The following MRE11 variants were observed in gnomAD, a reference collection of about 807,000 sequenced individuals.
MRE11 encodes MRE11 double strand break repair nuclease.
A neutral mutation model predicts 91.7 loss-of-function variants in MRE11; 62 were observed. That is an observed-to-expected ratio of 0.68 (90% CI 0.55 to 0.84). The LOEUF is 0.84. MRE11 is among the 40% of genes least tolerant of loss of function. The pLI, the probability that MRE11 is intolerant of heterozygous loss-of-function variation, is 0.00. For synonymous variants in MRE11, 273 were observed against 271.4 expected (o/e 1.01, Z -0.06); for missense variants, 796 against 852.9 (o/e 0.93, Z 0.83).
chr11:94,489,531 T>G (rs974904172), intron 3 of MRE11, among the ~76,000 whole-genome samples: 2 of 152,146 alleles, frequency 1.3e-5, no homozygotes, highest in East Asian at 3.8e-4. Flanking sequence ...CAGAAAAGAA[T>G]AGAAGCAGAA....
At chr11:94,487,293 TA>T (rs1387478904) in intron 3 of MRE11, among the ~76,000 whole-genome samples, 2 of 152,326 alleles carry the variant, frequency 1.3e-5, no homozygotes, top group East Asian at 1.9e-4. Context: ...TTCAAACATT[TA>T]AAAAAATTTT....
intron 4 of MRE11, 127 bp from the exon 5 acceptor site, chr11:94,479,888 T>C (rs1362367868): frequency 1.5e-6 from 1 of 686,444 alleles, no homozygotes; most frequent in Non-Finnish European, 2.5e-6. Context: ...TGACCACTAG[T>C]TTAGAGCTTT....
intron 10 of MRE11, chr11:94,466,432 G>T (rs766570618): frequency 2.7e-5 from 14 of 514,804 alleles, no homozygotes; most frequent in Non-Finnish European, 4.8e-5. Flanking sequence ...TAAAGAAACG[G>T]GAACAGATTA....
upstream of MRE11, chr11:94,498,168 G>C: frequency 6.2e-7 from 1 of 1,614,150 alleles, no homozygotes; most frequent in Non-Finnish European, 8.5e-7. Context: ...GCCTACAGTG[G>C]ACACTTAGAT....
chr11:94,498,588 G>A (rs1947451340), upstream of MRE11: 2 of 1,408,510 alleles, frequency 1.4e-6, no homozygotes, highest in South Asian at 1.3e-5. Flanking sequence ...TGTGTGAGAT[G>A]TATTCCCATA....
intron 4 of MRE11, among the ~76,000 whole-genome samples, chr11:94,484,031 G>C (rs1163461399): frequency 6.6e-6 from 1 of 152,050 alleles, no homozygotes; most frequent in Non-Finnish European, 1.5e-5. Context: ...AAAGGAACCA[G>C]GGTTCCTTGA....
chr11:94,473,845 T>C (rs1363393389), intron 7 of MRE11, among the ~76,000 whole-genome samples: 1 of 152,086 alleles, frequency 6.6e-6, no homozygotes, highest in African/African-American at 2.4e-5. Context: ...ATTGGAAATA[T>C]AATTAAACCA....
At chr11:94,477,149 A>T (rs1397994229) in intron 6 of MRE11, among the ~76,000 whole-genome samples, 1 of 152,256 alleles carries the variant, frequency 6.6e-6, no homozygotes, top group African/African-American at 2.4e-5. Flanking sequence ...TTCTTATTAA[A>T]ACTTCTAGTA....
rs745641735 is a variant in MRE11 at position 94,476,389 on chromosome 11, C to T, written c.559G>A (p.Glu187Lys). 1 of 1,607,198 alleles carries T rather than the reference C, an allele frequency of 6.2e-7. No individual in the cohort carries two copies. The highest frequency in any genetic ancestry group is 8.5e-7 in the Non-Finnish European group (1 of 1,174,122). ...TTGACAAACATTCGATAGAGCCTTT[C>T]ATCTGGAATGGATCCTGAAATGGAC... is the stretch of plus-strand genomic sequence containing the variant. The part of the protein sequence containing the change: ...ALYGLGSIPD[E>K]RLYRMFVNKK... Residue 187 changes from glutamate to lysine, a missense_variant, in exon 7 of 20, where the codon GAA becomes AAA. By Grantham distance (56) the Glu-to-Lys change is moderately conservative. Transcript: ENST00000323929.
At chr11:94,481,169 C>A (rs1947003288) in intron 4 of MRE11, among the ~76,000 whole-genome samples, 1 of 151,988 alleles carries the variant, frequency 6.6e-6, no homozygotes, top group Non-Finnish European at 1.5e-5. Context: ...ATTAGCCGTG[C>A]ATGGTGGCAC....
upstream of MRE11, chr11:94,497,981 CTTAA>C: frequency 1.0e-6 from 1 of 984,568 alleles, no homozygotes; most frequent in Non-Finnish European, 1.5e-6. Context: ...TTTTATTCAA[CTTAA>C]TTAAATCTAA....
chr11:94,508,012 C>A, the MRE11 span, among the ~76,000 whole-genome samples: 1 of 152,046 alleles, frequency 6.6e-6, no homozygotes, highest in Non-Finnish European at 1.5e-5. Flanking sequence ...TGCTGTTGCC[C>A]AGGCTGGAGT....
At chr11:94,429,645 C>G (rs942326073) in intron 19 of MRE11, among the ~76,000 whole-genome samples, 2 of 152,162 alleles carry the variant, frequency 1.3e-5, no homozygotes, top group African/African-American at 4.8e-5. Context: ...ATGGGAACAA[C>G]AGACACTGTG....
At chr11:94,476,061 G>C (rs1946846252) in intron 7 of MRE11, among the ~76,000 whole-genome samples, 1 of 152,124 alleles carries the variant, frequency 6.6e-6, no homozygotes. Context: ...TTGAATTGAG[G>C]AGTATTCATG....
At chr11:94,430,626 TA>T (rs1402073606) in intron 18 of MRE11, among the ~76,000 whole-genome samples, 2 of 151,866 alleles carry the variant, frequency 1.3e-5, no homozygotes, top group African/African-American at 4.8e-5. Context: ...CATGCCCAGC[TA>T]ATTTTTGTAT....
chr11:94,479,720 GA>G lies in MRE11; in HGVS notation c.355del (p.Ser119GlnfsTer26). 1 of 1,612,770 alleles carries G rather than the reference GA, an allele frequency of 6.2e-7. No individual in the cohort carries two copies. Among genetic ancestry groups the G allele is most frequent in the Non-Finnish European group, 8.5e-7 (1 of 1,179,630 alleles). ...GCCATGAATACTAAACACTGGAATTGAAATGTTGAGGTTGCCATCTTGATAG... is the reference window on the plus strand; with the variant it reads ...GCCATGAATACTAAACACTGGAATTGAATGTTGAGGTTGCCATCTTGATAG... The part of the protein sequence containing the change: ...VNYQDGNLNI[S>X]IPVFSIHGNH... On this transcript the variant is annotated frameshift_variant, in exon 5 of 20. Transcript: ENST00000323929. LOFTEE classifies it high-confidence loss of function.
At chr11:94,441,003 C>T (rs1321187211) in intron 16 of MRE11, among the ~76,000 whole-genome samples, 2 of 152,116 alleles carry the variant, frequency 1.3e-5, no homozygotes, top group African/African-American at 2.4e-5. Context: ...AGTATTCGGC[C>T]ACCTTTATAG....
the MRE11 span, among the ~76,000 whole-genome samples, chr11:94,501,340 C>T: frequency 2.0e-5 from 3 of 152,020 alleles, no homozygotes; most frequent in African/African-American, 7.3e-5. Context: ...TTAGATACCT[C>T]ATATAAGAGG....
chr11:94,419,293 C>T lies in MRE11; in HGVS notation c.*832G>A. The T allele has an allele frequency of 4.3e-6, 1 of 232,930 alleles. No individual in the cohort carries two copies. 14.4% of individuals were successfully genotyped at this position (232,930 alleles called of 1,614,324 possible). On this transcript the variant is annotated 3_prime_UTR_variant, in exon 20 of 20. Transcript: ENST00000323929. ...ATTCCACATTAAATATATTTCTATA[C>T]TTTACTGTAAGGTTCAACTGACCAC...
Sources: allele counts gnomAD v4.1 joint callset (sites outside exome capture counted in the v4.1 genomes callset), GRCh38; gene constraint gnomAD v4.1.1; transcripts MANE v1.5; gene names NCBI Gene and HGNC (gene_info 2026-07-23, HGNC 2026-07-21).